Variants in FAM110B observed in about 807,000 individuals in gnomAD.
FAM110B encodes the protein protein FAM110B.
Under a neutral mutation model 20.4 loss-of-function variants are expected in FAM110B, and 6 were observed. The ratio of observed to expected loss-of-function variants is 0.29; its 90% CI spans 0.16 to 0.58. FAM110B has a LOEUF of 0.58. FAM110B is among the 20% of genes least tolerant of loss of function. The probability of loss-of-function intolerance (pLI) is 0.90; values close to 1 mark genes in which losing one functional copy is unlikely to be tolerated. For missense variants in FAM110B, 434 were observed against 498.2 expected (o/e 0.87, Z 1.23); for synonymous variants, 226 against 214.1 (o/e 1.06, Z -0.49).
At chr8:58,132,773 C>A (rs182437163) in intron 3 of FAM110B, among the ~76,000 whole-genome samples, 9 of 152,272 alleles carry the variant, frequency 5.9e-5, no homozygotes, top group African/African-American at 2.2e-4. Flanking sequence ...CATGAGGCAC[C>A]AAATATCAGC....
rs1473160817 is a variant in FAM110B, at chr8:58,148,141, A to T, written c.*798A>T. 1.5e-4 allele frequency: 3 copies of T among 19,554 alleles called. No homozygotes were observed. Among genetic ancestry groups the T allele is most frequent in the African/African-American group, 1.3e-3 (2 of 1,572 alleles). The allele number at this position is 19,554 out of a possible 1,614,324, so 1.2% of individuals were successfully genotyped here. On this transcript the variant is annotated 3_prime_UTR_variant, in exon 4 of 4. Coordinates refer to ENST00000519262, the MANE Select transcript of FAM110B (RefSeq NM_001377989.1). ...CTAAAACAAATACTGAATGCCTTTAAAAAAAAAAAAAGTTGTGGTTTTTTG... is the reference window on the plus strand; with the variant it reads ...CTAAAACAAATACTGAATGCCTTTATAAAAAAAAAAAGTTGTGGTTTTTTG...
chr8:58,035,452 T>C (rs1805058466), intron 2 of FAM110B, among the ~76,000 whole-genome samples: 1 of 152,240 alleles, frequency 6.6e-6, no homozygotes, highest in Admixed American at 6.5e-5. Flanking sequence ...ACATTTGTTT[T>C]TCGTATACTT....
At chr8:58,084,235 G>C (rs535658008) in intron 3 of FAM110B, among the ~76,000 whole-genome samples, 1 of 152,142 alleles carries the variant, frequency 6.6e-6, no homozygotes, top group African/African-American at 2.4e-5. Context: ...TGTACACCTC[G>C]CTAAAGAGAA....
intron 3 of FAM110B, among the ~76,000 whole-genome samples, chr8:58,106,804 C>G (rs1020875468): frequency 5.9e-5 from 9 of 152,200 alleles, no homozygotes; most frequent in African/African-American, 2.2e-4. Context: ...AAGTCACACA[C>G]CATTCAGACT....
At chr8:58,110,307 A>G (rs1173952213) in intron 3 of FAM110B, among the ~76,000 whole-genome samples, 1 of 152,202 alleles carries the variant, frequency 6.6e-6, no homozygotes, top group Non-Finnish European at 1.5e-5. Context: ...GATTAGAAAA[A>G]GGAGAAGGAA....
At chr8:58,013,866 A>G (rs1804588947) in intron 1 of FAM110B, among the ~76,000 whole-genome samples, 1 of 152,124 alleles carries the variant, frequency 6.6e-6, no homozygotes, top group South Asian at 2.1e-4. Context: ...TCTCTTTAAC[A>G]CCAAAATAAA....
intron 3 of FAM110B, among the ~76,000 whole-genome samples, chr8:58,122,399 C>T (rs1265314086): frequency 2.6e-5 from 4 of 151,692 alleles, no homozygotes; most frequent in Non-Finnish European, 2.9e-5. Context: ...ACAATTTCTC[C>T]CCTTCAACAT....
At chr8:58,027,815 T>C (rs1311477913) in intron 1 of FAM110B, among the ~76,000 whole-genome samples, 1 of 152,262 alleles carries the variant, frequency 6.6e-6, no homozygotes, top group East Asian at 1.9e-4. Flanking sequence ...CTTCGTGTGG[T>C]ATACCACAAA....
intron 2 of FAM110B, among the ~76,000 whole-genome samples, chr8:58,074,221 T>C (rs942811735): frequency 6.6e-6 from 1 of 152,178 alleles, no homozygotes; most frequent in African/African-American, 2.4e-5. Context: ...AACTCTGGTT[T>C]GTTTTTTCCC....
At chr8:58,134,063 T>C (rs988922277) in intron 3 of FAM110B, among the ~76,000 whole-genome samples, 26 of 151,852 alleles carry the variant, frequency 1.7e-4, no homozygotes, top group Admixed American at 9.9e-4. Context: ...TCTATCGTCT[T>C]ACGTGTCTTA....
chr8:58,058,423 C>A (rs1454070939), intron 2 of FAM110B, among the ~76,000 whole-genome samples: 2 of 149,910 alleles, frequency 1.3e-5, no homozygotes, highest in Non-Finnish European at 3.0e-5. Context: ...AAACGTGGGA[C>A]AAGTAAAAGA....
chr8:58,128,126 C>T (rs1379936711), intron 3 of FAM110B, among the ~76,000 whole-genome samples: 3 of 152,136 alleles, frequency 2.0e-5, no homozygotes, highest in African/African-American at 7.2e-5. Flanking sequence ...CAGTGTCTTC[C>T]AGCCTTCACG....
At chr8:58,058,058 T>G (rs977584540) in intron 2 of FAM110B, among the ~76,000 whole-genome samples, 2 of 152,224 alleles carry the variant, frequency 1.3e-5, no homozygotes, top group African/African-American at 4.8e-5. Flanking sequence ...GCATGTGGCT[T>G]TATTATTGTT....
At chr8:58,119,251 A>G (rs1807293110) in intron 3 of FAM110B, among the ~76,000 whole-genome samples, 1 of 152,188 alleles carries the variant, frequency 6.6e-6, no homozygotes, top group South Asian at 2.1e-4. Flanking sequence ...TAATTTGTAA[A>G]CAACAGAAGT....
At chr8:58,100,640 A>T (rs139701629) in intron 3 of FAM110B, among the ~76,000 whole-genome samples, 1 of 152,096 alleles carries the variant, frequency 6.6e-6, no homozygotes, top group African/African-American at 2.4e-5. Flanking sequence ...TCATCTTCAC[A>T]TAGTGTTATC....
chr8:58,064,163 T>C (rs895556876), intron 2 of FAM110B, among the ~76,000 whole-genome samples: 3 of 152,158 alleles, frequency 2.0e-5, no homozygotes, highest in African/African-American at 7.2e-5. Flanking sequence ...TCCACCCCCA[T>C]GATCAAATCA....
At chr8:58,103,357 G>A (rs938250021) in intron 3 of FAM110B, among the ~76,000 whole-genome samples, 1 of 138,180 alleles carries the variant, frequency 7.2e-6, no homozygotes, top group Non-Finnish European at 1.5e-5. Flanking sequence ...AGAGTGTGAT[G>A]TTCCCCTTCC....
intron 2 of FAM110B, among the ~76,000 whole-genome samples, chr8:58,067,867 C>G (rs1805805064): frequency 6.6e-6 from 1 of 152,068 alleles, no homozygotes; most frequent in African/African-American, 2.4e-5. Context: ...TATACATAGG[C>G]CCCCCGCAGC....
chr8:58,123,070 G>C (rs952615394), intron 3 of FAM110B, among the ~76,000 whole-genome samples: 5 of 152,180 alleles, frequency 3.3e-5, no homozygotes, highest in African/African-American at 9.7e-5. Flanking sequence ...GCTCAGCAGA[G>C]CGGGGAGCTA....
Sources: gnomAD v4.1 joint callset for allele counts (sites outside exome capture counted in the v4.1 genomes callset) on GRCh38, gnomAD v4.1.1 for gene constraint, MANE v1.5 for transcripts, NCBI Gene and HGNC (gene_info 2026-07-23, HGNC 2026-07-21) for gene names.